KLHL1: variants seen among roughly 807,000 people sequenced by gnomAD.
KLHL1 encodes kelch like family member 1, also known as kelch-like protein 1.
In KLHL1, 47 loss-of-function variants were observed where a neutral mutation model predicts 77.7. The ratio of observed to expected loss-of-function variants is 0.60; its 90% CI spans 0.48 to 0.77. KLHL1 has a LOEUF of 0.77. Ranked by LOEUF, KLHL1 falls within the 30% of genes least tolerant of loss-of-function variation. The pLI is 0.00. For missense variants in KLHL1, 925 were observed against 910.8 expected (o/e 1.02, Z -0.20); for synonymous variants, 360 against 325.2 (o/e 1.11, Z -1.15).
Position 69,760,159 on chromosome 13 carries a change from TTCAGTGCTAAGCCTATTA to T in KLHL1, c.1640-19621_1640-19604del, listed in dbSNP as rs372498756. On this transcript the variant is annotated intron_variant, in intron 7 of 10. Coordinates refer to ENST00000377844, the MANE Select transcript of KLHL1 (RefSeq NM_020866.3). ...CTGATCCTTAGCTAAAACTACTACATTCAGTGCTAAGCCTATTAAGGAGTAAGACAAAGAAAGCATACT... is the reference window on the plus strand; with the variant it reads ...CTGATCCTTAGCTAAAACTACTACATAGGAGTAAGACAAAGAAAGCATACT... 6.0e-3 allele frequency among the ~76,000 whole-genome samples: 915 copies of T among 152,248 alleles called. 8 individuals carry two copies. Among genetic ancestry groups the T allele is most frequent in the African/African-American group, 0.02 (830 of 41,556 alleles).
chr13:69,936,592 C>CAAAA (rs57906720), intron 4 of KLHL1, among the ~76,000 whole-genome samples: 1 of 79,986 alleles, frequency 1.3e-5, no homozygotes, highest in African/African-American at 4.6e-5. Flanking sequence ...GACTCCATCT[C>CAAAA]AAAAAAAAAA....
intron 1 of KLHL1, among the ~76,000 whole-genome samples, chr13:69,997,862 A>T (rs895145158): frequency 4.0e-5 from 6 of 150,740 alleles, no homozygotes; most frequent in Admixed American, 1.3e-4. Flanking sequence ...CTGTCAATAG[A>T]TATTTAGGTG....
At chr13:70,025,272 G>A (rs1397978298) in intron 1 of KLHL1, among the ~76,000 whole-genome samples, 1 of 151,940 alleles carries the variant, frequency 6.6e-6, no homozygotes, top group African/African-American at 2.4e-5. Flanking sequence ...GTGCTGAAGA[G>A]GATCAAGGTG....
chr13:70,056,547 C>G (rs1389173039), intron 1 of KLHL1, among the ~76,000 whole-genome samples: 1 of 152,076 alleles, frequency 6.6e-6, no homozygotes, highest in Non-Finnish European at 1.5e-5. Flanking sequence ...GCTCATAAAA[C>G]ATTATCAAAG....
chr13:69,759,301 G>C (rs1874908883), intron 7 of KLHL1, among the ~76,000 whole-genome samples: 2 of 152,112 alleles, frequency 1.3e-5, no homozygotes, highest in Admixed American at 1.3e-4. Flanking sequence ...AGCCATCTTT[G>C]ACAGCATTAG....
intron 7 of KLHL1, among the ~76,000 whole-genome samples, chr13:69,781,563 C>T (rs1348049889): frequency 6.6e-6 from 1 of 152,128 alleles, no homozygotes; most frequent in African/African-American, 2.4e-5. Flanking sequence ...AATTTCATTG[C>T]TGTTTCATTG....
intron 2 of KLHL1, among the ~76,000 whole-genome samples, chr13:69,962,853 T>G (rs992694351): frequency 3.9e-5 from 6 of 152,094 alleles, no homozygotes; most frequent in African/African-American, 1.4e-4. Context: ...ATAAAGCAAT[T>G]ACTTTTTTCT....
chr13:69,994,390 A>G (rs1462196639), intron 1 of KLHL1, among the ~76,000 whole-genome samples: 1 of 151,992 alleles, frequency 6.6e-6, no homozygotes. Flanking sequence ...AAACCTGCCT[A>G]CTCTTGAAGC....
At chr13:69,840,134 A>G (rs1028130277) in intron 5 of KLHL1, among the ~76,000 whole-genome samples, 2 of 152,136 alleles carry the variant, frequency 1.3e-5, no homozygotes, top group African/African-American at 4.8e-5. Context: ...ATTTAACACT[A>G]TAATTATGAC....
chr13:69,743,614 C>A (rs1213136773), intron 7 of KLHL1, among the ~76,000 whole-genome samples: 1 of 151,834 alleles, frequency 6.6e-6, no homozygotes, highest in African/African-American at 2.4e-5. Context: ...GCAAAAATCT[C>A]GTCTCTACTA....
intron 1 of KLHL1, among the ~76,000 whole-genome samples, chr13:70,075,690 CGT>C (rs1431796535): frequency 2.5e-4 from 34 of 138,046 alleles, no homozygotes; most frequent in East Asian, 1.0e-3. Context: ...TATACACACA[CGT>C]GTGTATATAT....
At chr13:69,706,935 T>C (rs1593759858) in intron 10 of KLHL1, among the ~76,000 whole-genome samples, 1 of 151,880 alleles carries the variant, frequency 6.6e-6, no homozygotes, top group South Asian at 2.1e-4. Flanking sequence ...AGCTGCTTCA[T>C]TCTAGCATGA....
intron 1 of KLHL1, among the ~76,000 whole-genome samples, chr13:70,034,167 C>T (rs1026396154): frequency 3.9e-5 from 6 of 152,148 alleles, no homozygotes; most frequent in African/African-American, 1.4e-4. Flanking sequence ...ATTAATAACT[C>T]AACATTTTAC....
intron 9 of KLHL1, among the ~76,000 whole-genome samples, chr13:69,711,963 C>T (rs189393956): frequency 5.9e-5 from 9 of 152,200 alleles, no homozygotes; most frequent in East Asian, 1.9e-4. Flanking sequence ...ATTTCCCTGA[C>T]GACTAATGCC....
At chr13:70,041,400 A>G (rs1886377269) in intron 1 of KLHL1, among the ~76,000 whole-genome samples, 1 of 152,170 alleles carries the variant, frequency 6.6e-6, no homozygotes. Flanking sequence ...TTTTGGGTGA[A>G]GGTGGCACCA....
intron 1 of KLHL1, among the ~76,000 whole-genome samples, chr13:70,064,717 T>C (rs1886967980): frequency 6.6e-6 from 1 of 152,136 alleles, no homozygotes; most frequent in African/African-American, 2.4e-5. Flanking sequence ...CAATAAATAA[T>C]TAACTTAGCC....
chr13:69,775,603 A>G (rs577313481), intron 7 of KLHL1, among the ~76,000 whole-genome samples: 3 of 152,290 alleles, frequency 2.0e-5, no homozygotes, highest in East Asian at 3.9e-4. Flanking sequence ...ATTTCACTTA[A>G]AATTCAAAAA....
intron 4 of KLHL1, among the ~76,000 whole-genome samples, chr13:69,890,922 A>G (rs1237399171): frequency 1.3e-5 from 2 of 152,070 alleles, no homozygotes; most frequent in Non-Finnish European, 2.9e-5. Context: ...TACTTGTTTA[A>G]TTAATATTAT....
At chr13:70,021,729 T>C (rs1292558267) in intron 1 of KLHL1, among the ~76,000 whole-genome samples, 2 of 152,116 alleles carry the variant, frequency 1.3e-5, no homozygotes, top group Non-Finnish European at 2.9e-5. Flanking sequence ...CCAAAGACTC[T>C]TCACATCAAG....
Sources: gnomAD v4.1 joint callset for allele counts (sites outside exome capture counted in the v4.1 genomes callset) on GRCh38, gnomAD v4.1.1 for gene constraint, MANE v1.5 for transcripts, NCBI Gene and HGNC (gene_info 2026-07-23, HGNC 2026-07-21) for gene names.